SPSB4: variants seen among roughly 807,000 people sequenced by gnomAD.
The protein encoded by SPSB4 is SPRY domain-containing SOCS box protein 4.
A neutral mutation model predicts 20.9 loss-of-function variants in SPSB4; 21 were observed. The ratio of observed to expected loss-of-function variants is 1.01; its 90% CI spans 0.71 to 1.45. The LOEUF (loss-of-function observed/expected upper bound fraction) is 1.45. SPSB4 is among the 40% of genes most tolerant of loss of function. The probability of loss-of-function intolerance (pLI) is 0.00; values close to 1 mark genes in which losing one functional copy is unlikely to be tolerated. For missense variants in SPSB4, 399 were observed against 399.2 expected, an observed-to-expected ratio of 1.00 and a Z score of 0.00; for synonymous variants, 207 against 183.8, an observed-to-expected ratio of 1.13 and a Z score of -1.02.
intron 2 of SPSB4, among the ~76,000 whole-genome samples, chr3:141,112,540 G>T (rs1168864945): frequency 6.7e-6 from 1 of 149,112 alleles, no homozygotes; most frequent in Admixed American, 6.7e-5. Context: ...AGCTACTTGG[G>T]AGGCTGAGGC....
At chr3:141,118,337 G>C (rs1553742403) in intron 2 of SPSB4, among the ~76,000 whole-genome samples, 1 of 151,994 alleles carries the variant, frequency 6.6e-6, no homozygotes, top group Non-Finnish European at 1.5e-5. Context: ...TTTTTGATGG[G>C]GTTGTTTTTT....
At chr3:141,136,921 A>T (rs367942272) in intron 2 of SPSB4, among the ~76,000 whole-genome samples, 5 of 152,138 alleles carry the variant, frequency 3.3e-5, no homozygotes, top group South Asian at 4.2e-4. Flanking sequence ...ATCTATAAAT[A>T]ACCTTGGGCA....
intron 2 of SPSB4, among the ~76,000 whole-genome samples, chr3:141,108,487 A>G (rs951374454): frequency 6.6e-6 from 1 of 152,236 alleles, no homozygotes; most frequent in Non-Finnish European, 1.5e-5. Context: ...CTTAATTTTT[A>G]GTGGATAGAC....
At chr3:141,069,248 G>A (rs1466847527) in intron 2 of SPSB4, among the ~76,000 whole-genome samples, 1 of 152,148 alleles carries the variant, frequency 6.6e-6, no homozygotes. Context: ...TGGCCAGCCT[G>A]GGACAATCTC....
chr3:141,108,846 C>T (rs538545296), intron 2 of SPSB4, among the ~76,000 whole-genome samples: 1 of 152,200 alleles, frequency 6.6e-6, no homozygotes, highest in African/African-American at 2.4e-5. Context: ...TGGAGAAGAC[C>T]GAAAGCAGCA....
At chr3:141,114,598 C>T (rs1335357677) in intron 2 of SPSB4, among the ~76,000 whole-genome samples, 1 of 152,212 alleles carries the variant, frequency 6.6e-6, no homozygotes, top group Non-Finnish European at 1.5e-5. Context: ...CCTGGGCACA[C>T]TGGCAGGGCT....
intron 2 of SPSB4, among the ~76,000 whole-genome samples, chr3:141,141,771 A>T (rs1939333017): frequency 6.6e-6 from 1 of 152,174 alleles, no homozygotes; most frequent in Non-Finnish European, 1.5e-5. Context: ...GATTTAATCT[A>T]GGAAGGTTGT....
At chr3:141,107,467 A>G (rs1938716899) in intron 2 of SPSB4, among the ~76,000 whole-genome samples, 1 of 152,200 alleles carries the variant, frequency 6.6e-6, no homozygotes, top group Non-Finnish European at 1.5e-5. Flanking sequence ...TGTCCCCACT[A>G]TGTGTCCATC....
chr3:141,084,803 C>T (rs899465357), intron 2 of SPSB4, among the ~76,000 whole-genome samples: 1 of 152,224 alleles, frequency 6.6e-6, no homozygotes, highest in South Asian at 2.1e-4. Context: ...AATGTCTGAC[C>T]CCTCCAGATG....
chr3:141,147,210 C>G lies in SPSB4; in HGVS notation c.763C>G (p.Gln255Glu). The G allele has an allele frequency of 6.2e-7, 1 of 1,614,230 alleles. No individual in the cohort carries two copies. Among genetic ancestry groups the G allele is most frequent in the East Asian group, 2.2e-5 (1 of 44,886 alleles). ...CTCGGCCCTGGGCCGCCAGCGCCTG[C>G]AGGACATCAGCTCCCTGCCCCTGCC... ...IRSALGRQRLQDISSLPLPQS... is the reference protein window; with the variant it reads ...IRSALGRQRLEDISSLPLPQS... Residue 255 changes from glutamine (Q) to glutamate (E), a missense_variant, in exon 3 of 3, where the codon CAG (glutamine) becomes GAG (glutamate). Coordinates refer to ENST00000310546, the MANE Select transcript of SPSB4 (RefSeq NM_080862.3).
At position 141,147,373 on chromosome 3, in the gene SPSB4, C is replaced by T; in HGVS notation, c.*104C>T. 6.5e-7 allele frequency: 1 copy of T among 1,544,210 alleles called. No homozygotes were observed. Among genetic ancestry groups the T allele is most frequent in the Non-Finnish European group, 8.8e-7 (1 of 1,140,192 alleles). Reference sequence around the variant, plus strand: ...ATAGGGGAAAGGATCTACCCTTCTCCTGGCTCCCCAGGACACTCAGTTCTT... The same window carrying T: ...ATAGGGGAAAGGATCTACCCTTCTCTTGGCTCCCCAGGACACTCAGTTCTT... On this transcript the variant is annotated 3_prime_UTR_variant, in exon 3 of 3. Coordinates refer to ENST00000310546, the MANE Select transcript of SPSB4 (RefSeq NM_080862.3).
At chr3:141,136,693 G>A (rs1423072406) in intron 2 of SPSB4, among the ~76,000 whole-genome samples, 2 of 152,080 alleles carry the variant, frequency 1.3e-5, no homozygotes, top group South Asian at 2.1e-4. Flanking sequence ...TGTTCCATTG[G>A]TCTATATCTC....
chr3:141,057,743 C>T lies in SPSB4; in HGVS notation c.-154+5751C>T, dbSNP rs551594319. Among the ~76,000 whole-genome samples, 27 of 152,320 alleles carry T rather than the reference C, an allele frequency of 1.8e-4. No homozygotes were observed. In the South Asian group the frequency reaches 4.4e-3, roughly 25 times the overall value. ...CTAATATCTAATATCCTGAAAGCCT[C>T]AGAGAACCTGTCGAGGATTTTGAGC... On this transcript the variant is annotated intron_variant, in intron 1 of 2. Transcript: ENST00000310546.
At chr3:141,105,689 C>G (rs1938676489) in intron 2 of SPSB4, among the ~76,000 whole-genome samples, 2 of 152,184 alleles carry the variant, frequency 1.3e-5, no homozygotes, top group South Asian at 4.2e-4. Context: ...TATGGCTTCT[C>G]TCCACTCCCT....
intron 2 of SPSB4, among the ~76,000 whole-genome samples, chr3:141,080,012 A>AT (rs1015067599): frequency 3.9e-5 from 6 of 152,062 alleles, no homozygotes; most frequent in Non-Finnish European, 8.8e-5. Context: ...TCATTCCACT[A>AT]TTTTTTTTAA....
chr3:141,089,105 C>T (rs904017600), intron 2 of SPSB4, among the ~76,000 whole-genome samples: 26 of 152,348 alleles, frequency 1.7e-4, no homozygotes, highest in African/African-American at 6.0e-4. Context: ...CTGGCAGCGT[C>T]AATCCTGCTT....
intron 2 of SPSB4, among the ~76,000 whole-genome samples, chr3:141,134,057 T>TTTTTTTTTTTTTTTTTTTTTC (rs1939186010): frequency 6.2e-5 from 4 of 64,090 alleles, no homozygotes; most frequent in East Asian, 4.4e-4. Context: ...TTCTTTTTTC[T>TTTTTTTTTTTTTTTTTTTTTC]TTTTTTTTTT....
chr3:141,126,729 C>G (rs915168862), intron 2 of SPSB4, among the ~76,000 whole-genome samples: 2 of 152,316 alleles, frequency 1.3e-5, no homozygotes, highest in Non-Finnish European at 2.9e-5. Context: ...GAGACAGGTC[C>G]ACGAGCTGAG....
At chr3:141,101,462 C>T (rs1025688492) in intron 2 of SPSB4, among the ~76,000 whole-genome samples, 1 of 152,196 alleles carries the variant, frequency 6.6e-6, no homozygotes, top group Non-Finnish European at 1.5e-5. Flanking sequence ...CTTAGGAGTC[C>T]AGCTACCAGG....
Sources: allele counts gnomAD v4.1 joint callset (sites outside exome capture counted in the v4.1 genomes callset), GRCh38; gene constraint gnomAD v4.1.1; transcripts MANE v1.5; gene names NCBI Gene and HGNC (gene_info 2026-07-23, HGNC 2026-07-21).